Variants in PTPRG observed in about 807,000 individuals in gnomAD.
PTPRG encodes the protein protein tyrosine phosphatase receptor type G.
A neutral mutation model predicts 165.3 loss-of-function variants in PTPRG; 102 were observed. The observed-to-expected ratio is 0.62, with a 90% CI of 0.53 to 0.73. The LOEUF (loss-of-function observed/expected upper bound fraction) is 0.73, where lower values mean the gene tolerates loss of function less well. PTPRG is among the 30% of genes least tolerant of loss of function. The pLI, the probability that PTPRG is intolerant of heterozygous loss-of-function variation, is 0.00. For missense variants in PTPRG, 1,866 were observed against 1,861.4 expected (o/e 1.00, Z -0.05); for synonymous variants, 675 against 669.5 (o/e 1.01, Z -0.13).
Position 62,237,373 on chromosome 3 carries a change from A to T in PTPRG, c.2375+6062A>T, listed in dbSNP as rs1365218246. 6.6e-6 allele frequency among the ~76,000 whole-genome samples: 1 copy of T among 152,124 alleles called. No homozygotes were observed. The highest frequency in any genetic ancestry group is 2.4e-5 in the African/African-American group (1 of 41,422). On this transcript the variant is annotated intron_variant, in intron 14 of 29. Coordinates refer to ENST00000474889, the MANE Select transcript of PTPRG (RefSeq NM_002841.4). This position sits in a 1 kb window ranked among gnomAD's most constrained non-coding sequence, Gnocchi z 4.5. ...TATAACTGGAATTTTATTAATACTT[A>T]TAAAGGACTGTCAGAGCAGCTGGGC...
chr3:61,622,661 A>T lies in PTPRG; in HGVS notation c.85+60289A>T, dbSNP rs116300164. Among the ~76,000 whole-genome samples the T allele has an allele frequency of 2.5e-3, 382 of 152,292 alleles. 3 individuals carry two copies. Among genetic ancestry groups the T allele is most frequent in the African/African-American group, 8.9e-3 (369 of 41,558 alleles). On this transcript the variant is annotated intron_variant, in intron 1 of 29. Transcript: ENST00000474889. ...ATACAAATAATTGCAAATCCTTATA[A>T]CTGAACAAGGTAAAACTTTTCGTGT... is the stretch of plus-strand genomic sequence containing the variant.
chr3:61,687,569 A>G (rs1359037950), intron 1 of PTPRG, among the ~76,000 whole-genome samples: 1 of 152,238 alleles, frequency 6.6e-6, no homozygotes, highest in Non-Finnish European at 1.5e-5. Flanking sequence ...AAATCACTGC[A>G]GTGAAAAGAA....
intron 1 of PTPRG, among the ~76,000 whole-genome samples, chr3:61,598,419 C>A (rs1159721824): frequency 1.3e-5 from 2 of 152,178 alleles, no homozygotes; most frequent in Non-Finnish European, 2.9e-5. Flanking sequence ...TTTCTTATCT[C>A]TGAACTAGGA....
chr3:61,830,038 A>G (rs945911775), intron 2 of PTPRG, among the ~76,000 whole-genome samples: 1 of 152,244 alleles, frequency 6.6e-6, no homozygotes, highest in Admixed American at 6.5e-5. Flanking sequence ...GGTGATTTAA[A>G]TACTGCAGTG....
chr3:61,989,793 C>G lies in PTPRG; in HGVS notation c.359C>G (p.Thr120Arg), dbSNP rs897108624. ...ESSNKTWMKN[T>R]GKTVAILLKD... Reference sequence around the variant, plus strand: ...TCTAACAAAACCTGGATGAAAAACACAGGGAAAACAGGTAGACAATGGCTT... The same window carrying G: ...TCTAACAAAACCTGGATGAAAAACAGAGGGAAAACAGGTAGACAATGGCTT... Residue 120 changes from threonine (T) to arginine (R), a missense_variant, in exon 3 of 30, where the codon ACA (threonine) becomes AGA (arginine). Physicochemically the swap from Thr to Arg is moderately conservative, Grantham distance 71 (BLOSUM62 -1). Transcript: ENST00000474889. The G allele has an allele frequency of 1.9e-6, 3 of 1,613,840 alleles. No homozygotes were observed. Among genetic ancestry groups the G allele is most frequent in the South Asian group, 1.1e-5 (1 of 91,070 alleles).
intron 2 of PTPRG, among the ~76,000 whole-genome samples, chr3:61,939,104 C>A (rs1253467544): frequency 3.3e-5 from 5 of 152,202 alleles, no homozygotes; most frequent in African/African-American, 1.2e-4. Flanking sequence ...TCCACACTCA[C>A]CATTTTGACA....
At chr3:61,993,515 G>A (rs1575861228) in intron 3 of PTPRG, among the ~76,000 whole-genome samples, 1 of 152,062 alleles carries the variant, frequency 6.6e-6, no homozygotes, top group African/African-American at 2.4e-5. Flanking sequence ...CTCCGTGCCC[G>A]GCCCACTGTA....
chr3:61,697,597 A>G (rs1050269156), intron 1 of PTPRG, among the ~76,000 whole-genome samples: 1 of 152,200 alleles, frequency 6.6e-6, no homozygotes, highest in Non-Finnish European at 1.5e-5. Flanking sequence ...TCTGCATAAT[A>G]AGATAACCTT....
chr3:62,040,737 C>T lies in PTPRG; in HGVS notation c.519+37240C>T, dbSNP rs550693815. On this transcript the variant is annotated intron_variant, in intron 4 of 29. Transcript: ENST00000474889. ...GATTACAGGTGTGAGCCACCGTGCC[C>T]AGCCGAGTCCAGCTTTTAAGTGGAA... 2.6e-5 allele frequency among the ~76,000 whole-genome samples: 4 copies of T among 152,304 alleles called. No homozygotes were observed. In the South Asian group the frequency reaches 6.2e-4, roughly 24 times the overall value.
chr3:62,268,060 C>A (rs149411995), intron 19 of PTPRG, among the ~76,000 whole-genome samples: 1 of 152,028 alleles, frequency 6.6e-6, no homozygotes, highest in Non-Finnish European at 1.5e-5. Context: ...TCAATGTATC[C>A]TCTGTACATT....
At chr3:62,209,515 C>T (rs1469204618) in intron 12 of PTPRG, among the ~76,000 whole-genome samples, 1 of 152,200 alleles carries the variant, frequency 6.6e-6, no homozygotes, top group Admixed American at 6.5e-5. Flanking sequence ...GGATTGGGAG[C>T]ACTGCAGCAT....
chr3:62,204,724 C>T (rs774119479), intron 12 of PTPRG, among the ~76,000 whole-genome samples: 5 of 152,162 alleles, frequency 3.3e-5, no homozygotes, highest in Admixed American at 2.0e-4. Context: ...CCAAGAAATA[C>T]GGCCCTCTCT....
At chr3:61,594,535 C>T (rs1575525428) in intron 1 of PTPRG, among the ~76,000 whole-genome samples, 1 of 152,070 alleles carries the variant, frequency 6.6e-6, no homozygotes, top group Non-Finnish European at 1.5e-5. Context: ...AGGAGCACCC[C>T]CCATCTGCAT....
At chr3:61,794,691 G>T (rs1422054750) in intron 2 of PTPRG, among the ~76,000 whole-genome samples, 1 of 152,112 alleles carries the variant, frequency 6.6e-6, no homozygotes, top group Non-Finnish European at 1.5e-5. Context: ...TAATCTACAG[G>T]TTGTGTATTC....
At chr3:62,102,559 C>T (rs1425746679) in intron 5 of PTPRG, among the ~76,000 whole-genome samples, 1 of 152,210 alleles carries the variant, frequency 6.6e-6, no homozygotes, top group Non-Finnish European at 1.5e-5. Flanking sequence ...GCGTGAGCCA[C>T]CACGCCCGGC....
intron 2 of PTPRG, among the ~76,000 whole-genome samples, chr3:61,954,645 A>C (rs889183346): frequency 2.0e-5 from 3 of 152,206 alleles, no homozygotes; most frequent in Non-Finnish European, 4.4e-5. Context: ...CAGGGGGAGA[A>C]TTTAAGGTGA....
intron 14 of PTPRG, chr3:62,243,489 G>A: frequency 5.5e-6 from 1 of 180,514 alleles, no homozygotes; most frequent in Non-Finnish European, 1.1e-5. Context: ...GAAATATTGT[G>A]AGATAACCCT....
At position 61,741,264 on chromosome 3, in the gene PTPRG, C is replaced by A. The variant is rs554124867; in HGVS notation, c.86-7614C>A. Among the ~76,000 whole-genome samples the A allele has an allele frequency of 9.2e-5, 14 of 152,286 alleles. No homozygotes were observed. The South Asian group carries it at 2.5e-3, about 27-fold the overall frequency. On this transcript the variant is annotated intron_variant, in intron 1 of 29. Transcript: ENST00000474889. ...AACAACCTACTTAACTGCTTGTCTGCCATTCTGGATATCTTCGTTCTAGAT... is the reference window on the plus strand; with the variant it reads ...AACAACCTACTTAACTGCTTGTCTGACATTCTGGATATCTTCGTTCTAGAT...
At chr3:61,704,104 G>C (rs1029543091) in intron 1 of PTPRG, among the ~76,000 whole-genome samples, 4 of 152,182 alleles carry the variant, frequency 2.6e-5, no homozygotes, top group African/African-American at 9.7e-5. Flanking sequence ...ATGGAGAGGA[G>C]AGGCACAAAT....
Sources: gnomAD v4.1 joint callset for allele counts (sites outside exome capture counted in the v4.1 genomes callset) on GRCh38, gnomAD v4.1.1 for gene constraint, Gnocchi (gnomAD v3.1) non-coding constraint, MANE v1.5 for transcripts, NCBI Gene and HGNC (gene_info 2026-07-23, HGNC 2026-07-21) for gene names.